Variants in TTC28 observed in about 807,000 individuals in gnomAD.
TTC28 encodes tetratricopeptide repeat protein 28.
A neutral mutation model predicts 198.0 loss-of-function variants in TTC28; 61 were observed. That is an observed-to-expected ratio of 0.31 (90% CI 0.25 to 0.38). The LOEUF (loss-of-function observed/expected upper bound fraction) is 0.38. Among genes scored for constraint, TTC28 ranks in the 10% least tolerant of loss-of-function variants. The probability of loss-of-function intolerance (pLI) is 1.00; values close to 1 mark genes in which losing one functional copy is unlikely to be tolerated. For synonymous variants in TTC28, 1,171 were observed against 1,297.8 expected (o/e 0.90, Z 2.10); for missense variants, 2,678 against 3,164.0 (o/e 0.85, Z 3.69).
At chr22:28,160,214 T>C (rs1601403685) in intron 6 of TTC28, among the ~76,000 whole-genome samples, 2 of 152,192 alleles carry the variant, frequency 1.3e-5, no homozygotes, top group South Asian at 2.1e-4. Flanking sequence ...AAAAGTGTAA[T>C]TGGATTGTTT....
intron 5 of TTC28, among the ~76,000 whole-genome samples, chr22:28,293,806 C>T (rs2044836875): frequency 6.6e-6 from 1 of 152,020 alleles, no homozygotes; most frequent in African/African-American, 2.4e-5. Context: ...AGGGGAAATT[C>T]CATAGGTTAG....
rs989701094 is a variant in TTC28 at position 28,209,091 on chromosome 22, T to C, written c.934-45492A>G. Reference sequence around the variant, plus strand: ...CTCATACTTTCAAATTTTCATACTCTATAGATCACCTACCACTAAACTAGC... The same window carrying C: ...CTCATACTTTCAAATTTTCATACTCCATAGATCACCTACCACTAAACTAGC... On this transcript the variant is annotated intron_variant, in intron 5 of 22. Transcript: ENST00000397906. Among the ~76,000 whole-genome samples, 33 of 152,210 alleles carry C rather than the reference T, an allele frequency of 2.2e-4. 1 individual carries two copies. The highest frequency in any genetic ancestry group is 8.0e-4 in the African/African-American group (33 of 41,454).
chr22:27,983,965 AGAGC>A (rs1476776776), intron 22 of TTC28, 114 bp from the exon 23 acceptor site: 12 of 1,087,208 alleles, frequency 1.1e-5, no homozygotes, highest in African/African-American at 1.6e-5. Context: ...GAATTATGCA[AGAGC>A]TACTCATATT....
At chr22:28,192,211 G>C (rs1297700554) in intron 5 of TTC28, among the ~76,000 whole-genome samples, 1 of 152,194 alleles carries the variant, frequency 6.6e-6, no homozygotes, top group Non-Finnish European at 1.5e-5. Context: ...AACTCCAACA[G>C]ACTTGCAGCT....
At chr22:28,646,578 C>CA (rs1336920211) in intron 1 of TTC28, among the ~76,000 whole-genome samples, 3 of 152,080 alleles carry the variant, frequency 2.0e-5, no homozygotes, top group Non-Finnish European at 2.9e-5. Flanking sequence ...ATGAAATCGA[C>CA]AGAGGGCCAG....
intron 2 of TTC28, among the ~76,000 whole-genome samples, chr22:28,325,962 A>G (rs915083738): frequency 2.0e-5 from 3 of 152,076 alleles, no homozygotes; most frequent in African/African-American, 4.8e-5. Flanking sequence ...TTATCATATG[A>G]CCCAGCAATC....
chr22:28,055,764 C>T lies in TTC28; in HGVS notation c.3933-25398G>A, dbSNP rs1271652597. 1.3e-4 allele frequency among the ~76,000 whole-genome samples: 20 copies of T among 152,212 alleles called. No individual in the cohort carries two copies. The East Asian group carries it at 3.3e-3, about 25-fold the overall frequency. On this transcript the variant is annotated intron_variant, in intron 12 of 22. Transcript: ENST00000397906. ...TTTCATGCACTCACCTACCCCACTC[C>T]CTTTCTCCCCATGACCATCATTAAT...
intron 12 of TTC28, among the ~76,000 whole-genome samples, chr22:28,030,973 T>C (rs1281810050): frequency 2.0e-5 from 3 of 152,234 alleles, no homozygotes; most frequent in Admixed American, 2.0e-4. Flanking sequence ...ATTTGGCCCA[T>C]TTTCCAAGCT....
chr22:28,285,308 T>C (rs1451161148), intron 5 of TTC28, among the ~76,000 whole-genome samples: 1 of 152,206 alleles, frequency 6.6e-6, no homozygotes, highest in Non-Finnish European at 1.5e-5. Context: ...ACAAATACTG[T>C]ACGATTTTAC....
chr22:28,160,598 G>C (rs945866834), intron 6 of TTC28, among the ~76,000 whole-genome samples: 1 of 151,958 alleles, frequency 6.6e-6, no homozygotes, highest in African/African-American at 2.4e-5. Flanking sequence ...ATTTGAAAAG[G>C]GAACACAATT....
In TTC28 at chr22:28,117,127, T is replaced by C. The variant is rs551543607; in HGVS notation, c.1442-8724A>G. On this transcript the variant is annotated intron_variant, in intron 6 of 22. Coordinates refer to ENST00000397906, the MANE Select transcript of TTC28 (RefSeq NM_001145418.2). ...ATTGTGTTACTTCCAGACAGAAGCG[T>C]TGAAGAGCTGAAGTGCAGTATTCCA... Among the ~76,000 whole-genome samples, 9 of 152,348 alleles carry C rather than the reference T, an allele frequency of 5.9e-5. No individual in the cohort carries two copies. In the South Asian group the frequency reaches 1.2e-3, roughly 21 times the overall value.
chr22:28,159,940 G>T (rs972368178), intron 6 of TTC28, among the ~76,000 whole-genome samples: 1 of 152,152 alleles, frequency 6.6e-6, no homozygotes, highest in Non-Finnish European at 1.5e-5. Flanking sequence ...TATGTCAAGT[G>T]AAATAAGCCA....
intron 2 of TTC28, among the ~76,000 whole-genome samples, chr22:28,428,305 C>T (rs2047380757): frequency 6.6e-6 from 1 of 152,092 alleles, no homozygotes; most frequent in Non-Finnish European, 1.5e-5. Context: ...AATCCCTTTA[C>T]TTTTGAAATC....
At chr22:28,464,464 C>G (rs1366346702) in intron 2 of TTC28, among the ~76,000 whole-genome samples, 4 of 152,134 alleles carry the variant, frequency 2.6e-5, no homozygotes, top group Non-Finnish European at 5.9e-5. Flanking sequence ...TTTACTGTAT[C>G]AGTAGCTTCA....
rs1399040205 is a variant in TTC28 at position 27,996,175 on chromosome 22, G to A, written c.5204C>T (p.Pro1735Leu). The change falls in exon 17 of 23, where the codon CCG becomes CTG. Residue 1735 changes from proline (P) to leucine (L), a missense_variant. Coordinates refer to ENST00000397906, the MANE Select transcript of TTC28 (RefSeq NM_001145418.2). Reference protein sequence around the residue: ...GQALTEILQHPERARDALRVL... With the variant: ...GQALTEILQHLERARDALRVL... ...TCGCAGGGCGTCCCGCGCACGCTCC[G>A]GGTGCTGCAGGATCTCTGTGAGGGC... The A allele has an allele frequency of 1.1e-5, 17 of 1,551,044 alleles. No homozygotes were observed. The highest frequency in any genetic ancestry group is 2.4e-5 in the East Asian group (1 of 40,920).
intron 6 of TTC28, among the ~76,000 whole-genome samples, chr22:28,110,408 G>A (rs144667777): frequency 1.7e-4 from 26 of 152,338 alleles, no homozygotes; most frequent in African/African-American, 5.8e-4. Context: ...AGGTGATAGT[G>A]AGGATCAAAT....
In TTC28 at chr22:28,297,855, G is replaced by A. The variant is rs2145784889; in HGVS notation, c.530-3C>T. 1 of 1,550,548 alleles carries A rather than the reference G, an allele frequency of 6.4e-7. No individual in the cohort carries two copies. Among genetic ancestry groups the A allele is most frequent in the Non-Finnish European group, 8.7e-7 (1 of 1,146,502 alleles). ...CTGATAAGTGGGCTCGAGGGAGTCT[G>A]AAAATAAACAACAATAACAGCAACA... On this transcript the variant is annotated splice_polypyrimidine_tract_variant and splice_region_variant and intron_variant, in intron 3 of 22. Transcript: ENST00000397906.
chr22:28,143,671 C>T (rs1425073906), intron 6 of TTC28, among the ~76,000 whole-genome samples: 1 of 152,188 alleles, frequency 6.6e-6, no homozygotes, highest in East Asian at 1.9e-4. Context: ...GTCAGGCATG[C>T]ACTTTATGAG....
chr22:28,433,527 A>G (rs2047466980), intron 2 of TTC28, among the ~76,000 whole-genome samples: 1 of 152,228 alleles, frequency 6.6e-6, no homozygotes, highest in Admixed American at 6.5e-5. Flanking sequence ...TAAGTATTAT[A>G]AATACTATCT....
Sources: gnomAD v4.1 joint callset for allele counts (sites outside exome capture counted in the v4.1 genomes callset) on GRCh38, gnomAD v4.1.1 for gene constraint, MANE v1.5 for transcripts, NCBI Gene and HGNC (gene_info 2026-07-23, HGNC 2026-07-21) for gene names.